RPS6KA2: variants seen among roughly 807,000 people sequenced by gnomAD.
RPS6KA2 encodes ribosomal protein S6 kinase alpha-2.
RPS6KA2 carries 42 observed loss-of-function variants against 91.8 expected under a neutral mutation model. The observed-to-expected ratio is 0.46, with a 90% CI of 0.36 to 0.59. RPS6KA2 has a LOEUF of 0.59. RPS6KA2 is among the 20% of genes least tolerant of loss of function. The pLI is 0.00. For synonymous variants in RPS6KA2, 414 were observed against 393.6 expected (o/e 1.05, Z -0.61); for missense variants, 798 against 978.5 (o/e 0.82, Z 2.46).
At chr6:166,722,338 G>A (rs1313674113) in intron 2 of RPS6KA2, among the ~76,000 whole-genome samples, 1 of 152,232 alleles carries the variant, frequency 6.6e-6, no homozygotes, top group Non-Finnish European at 1.5e-5. Context: ...GTTTTGTAAG[G>A]CGGGTCAGAC....
At chr6:166,581,390 T>C (rs1474212634) in intron 1 of RPS6KA2, among the ~76,000 whole-genome samples, 1 of 152,170 alleles carries the variant, frequency 6.6e-6, no homozygotes, top group Non-Finnish European at 1.5e-5. Context: ...CCCACCTGGA[T>C]GCGCAGGTCA....
chr6:166,801,814 G>GAGTT (rs1367042102), intron 2 of RPS6KA2, among the ~76,000 whole-genome samples: 2 of 152,112 alleles, frequency 1.3e-5, no homozygotes, highest in African/African-American at 2.4e-5. Flanking sequence ...GAAATCAAAT[G>GAGTT]AGTTAAATTT....
chr6:166,662,475 GCCT>G lies in RPS6KA2; in HGVS notation c.124-123694_124-123692del, dbSNP rs1422984287. Among the ~76,000 whole-genome samples, 1 of 152,168 alleles carries G rather than the reference GCCT, an allele frequency of 6.6e-6. No homozygotes were observed. Among genetic ancestry groups the G allele is most frequent in the African/African-American group, 2.4e-5 (1 of 41,430 alleles). On this transcript the variant is annotated intron_variant, in intron 2 of 21. Transcript: ENST00000503859. This position sits in a 1 kb window ranked among gnomAD's most constrained non-coding sequence, Gnocchi z 4.3. Reference sequence around the variant, plus strand: ...GAACAGCTCTGCTTGCAAATCCAATGCCTATGTTACAGGAGTGCAGTTTTATGT... The same window carrying G: ...GAACAGCTCTGCTTGCAAATCCAATGATGTTACAGGAGTGCAGTTTTATGT...
chr6:166,417,664 C>CTGTT (rs1778584859), intron 19 of RPS6KA2, among the ~76,000 whole-genome samples: 1 of 151,852 alleles, frequency 6.6e-6, no homozygotes, highest in African/African-American at 2.4e-5. Flanking sequence ...CACGCATGTT[C>CTGTT]TGTTTGTTTC....
At chr6:166,674,323 G>C (rs1788560139) in intron 2 of RPS6KA2, among the ~76,000 whole-genome samples, 1 of 152,230 alleles carries the variant, frequency 6.6e-6, no homozygotes, top group Admixed American at 6.5e-5. Flanking sequence ...TGGGCGCTGG[G>C]CAGAGGCTGC....
intron 2 of RPS6KA2, among the ~76,000 whole-genome samples, chr6:166,783,871 C>CTATCTG (rs1369864372): frequency 6.1e-5 from 7 of 114,730 alleles, no homozygotes; most frequent in African/African-American, 2.2e-4. Context: ...ACGTGCACAC[C>CTATCTG]TACGCATCAC....
At chr6:166,595,535 C>T (rs577054158) in intron 1 of RPS6KA2, among the ~76,000 whole-genome samples, 97 of 152,312 alleles carry the variant, frequency 6.4e-4, no homozygotes, top group Non-Finnish European at 1.3e-3. Flanking sequence ...ATTGGAAGCC[C>T]TTTTTCCTCT....
chr6:166,755,756 G>A (rs1777990202), intron 2 of RPS6KA2, among the ~76,000 whole-genome samples: 1 of 152,154 alleles, frequency 6.6e-6, no homozygotes, highest in Non-Finnish European at 1.5e-5. Context: ...TGTCGGTAAG[G>A]AAATACCCCC....
intron 17 of RPS6KA2, among the ~76,000 whole-genome samples, chr6:166,422,607 T>C (rs962796094): frequency 6.6e-6 from 1 of 152,180 alleles, no homozygotes; most frequent in Admixed American, 6.5e-5. Context: ...GGCTTAGATT[T>C]ATAAACACAT....
intron 2 of RPS6KA2, among the ~76,000 whole-genome samples, chr6:166,850,241 A>C (rs563178312): frequency 6.6e-6 from 1 of 152,276 alleles, no homozygotes; most frequent in African/African-American, 2.4e-5. Flanking sequence ...AAATACCTGA[A>C]GGATAACAAA....
chr6:166,439,147 C>T (rs113739454), intron 14 of RPS6KA2, among the ~76,000 whole-genome samples: 1,835 of 152,184 alleles, frequency 0.012, 36 homozygotes, highest in African/African-American at 0.041. Context: ...CTCTCTCTGT[C>T]GCCCAGGCTG....
At chr6:166,623,624 T>A (rs1345244187) in intron 1 of RPS6KA2, among the ~76,000 whole-genome samples, 1 of 152,232 alleles carries the variant, frequency 6.6e-6, no homozygotes, top group Non-Finnish European at 1.5e-5. Context: ...AGTGGACTGT[T>A]GAATGAGATG....
intron 14 of RPS6KA2, among the ~76,000 whole-genome samples, chr6:166,436,981 T>C (rs73029928): frequency 0.012 from 1,853 of 152,340 alleles, 28 homozygotes; most frequent in Non-Finnish European, 0.016. Flanking sequence ...TCCCGGATGC[T>C]GTCAGGAAGT....
chr6:166,473,303 A>C (rs994803458), intron 10 of RPS6KA2, among the ~76,000 whole-genome samples: 1 of 151,946 alleles, frequency 6.6e-6, no homozygotes, highest in Non-Finnish European at 1.5e-5. Context: ...TGATCCTCCC[A>C]GCTCAGTCTC....
rs1430657875 is a variant in RPS6KA2, at chr6:166,412,626, A to G, written c.*136T>C. 3.4e-5 allele frequency: 30 copies of G among 880,492 alleles called. No homozygotes were observed. Among genetic ancestry groups the G allele is most frequent in the Non-Finnish European group, 4.6e-5 (28 of 604,530 alleles). The allele number at this position is 880,492 out of a possible 1,614,324, so 54.5% of individuals were successfully genotyped here. ...ACCCTCTCCGGGGCTGAAAAAGAAA[A>G]CACGGACACGGCGAGGGCGGGCGCC... On this transcript the variant is annotated 3_prime_UTR_variant, in exon 21 of 21. Coordinates refer to ENST00000265678, the MANE Select transcript of RPS6KA2 (RefSeq NM_021135.6). The surrounding 1 kb of genome is among the most constrained non-coding windows in gnomAD (Gnocchi z 4.3).
At chr6:166,664,701 C>CA (rs1431127846) in intron 2 of RPS6KA2, among the ~76,000 whole-genome samples, 3 of 151,946 alleles carry the variant, frequency 2.0e-5, no homozygotes, top group Admixed American at 6.6e-5. Context: ...TTTTTAGTTA[C>CA]AAAATTCAGT....
At position 166,409,698 on chromosome 6, in the gene RPS6KA2, G is replaced by C. The variant is rs1778239839; in HGVS notation, c.*3064C>G. ...AGCGTCCTTCTCCATTCTCGAATTT[G>C]CATGACGCTTAGAAAGGTAGGAGGC... On this transcript the variant is annotated 3_prime_UTR_variant, in exon 21 of 21. Coordinates refer to ENST00000265678, the MANE Select transcript of RPS6KA2 (RefSeq NM_021135.6). 6.6e-6 allele frequency: 1 copy of C among 152,548 alleles called. No homozygotes were observed. Among genetic ancestry groups the C allele is most frequent in the African/African-American group, 2.4e-5 (1 of 41,426 alleles). The allele number at this position is 152,548 out of a possible 1,614,324, so 9.4% of individuals were successfully genotyped here. A position where few individuals can be genotyped will look rare whatever the true frequency, so the allele number is the denominator to read the frequency against.
rs1445320895 is a variant in RPS6KA2, at chr6:166,416,254, C to T, written c.1938+1971G>A. Among the ~76,000 whole-genome samples, 7 of 151,984 alleles carry T rather than the reference C, an allele frequency of 4.6e-5. No individual in the cohort carries two copies. In the East Asian group the frequency reaches 1.2e-3, roughly 25 times the overall value. On this transcript the variant is annotated intron_variant, in intron 19 of 20. Coordinates refer to ENST00000265678, the MANE Select transcript of RPS6KA2 (RefSeq NM_021135.6). ...ACCACCACCTCCACCATCACCCTCA[C>T]CATTTTTTCTCTGTCACCTCTGCCG...
rs1206043492 is a variant in RPS6KA2, at chr6:166,433,158, T to C, written c.1333-668A>G. ...ATCCACAACAAGCCTCCAGCCACTG[T>C]GCACCTTCTGCCTTGTTCCGGGAAT... On this transcript the variant is annotated intron_variant, in intron 14 of 20. Transcript: ENST00000265678. This position sits in a 1 kb window ranked among gnomAD's most constrained non-coding sequence, Gnocchi z 4.4. 6.6e-6 allele frequency among the ~76,000 whole-genome samples: 1 copy of C among 152,178 alleles called. No homozygotes were observed. The highest frequency in any genetic ancestry group is 1.5e-5 in the Non-Finnish European group (1 of 68,036).
Sources: gnomAD v4.1 joint callset for allele counts (sites outside exome capture counted in the v4.1 genomes callset) on GRCh38, gnomAD v4.1.1 for gene constraint, Gnocchi (gnomAD v3.1) non-coding constraint, MANE v1.5 for transcripts, NCBI Gene and HGNC (gene_info 2026-07-23, HGNC 2026-07-21) for gene names.